Variants in EPC2 observed in about 807,000 individuals in gnomAD.
EPC2 encodes the protein enhancer of polycomb homolog 2.
A neutral mutation model predicts 92.1 loss-of-function variants in EPC2; 14 were observed. The ratio of observed to expected loss-of-function variants is 0.15; its 90% CI spans 0.10 to 0.24. The LOEUF is 0.24. Among genes scored for constraint, EPC2 ranks in the 10% least tolerant of loss-of-function variants. EPC2 has a pLI of 1.00. For synonymous variants in EPC2, 340 were observed against 334.7 expected (o/e 1.02, Z -0.17); for missense variants, 755 against 971.5 (o/e 0.78, Z 2.96).
intron 1 of EPC2, among the ~76,000 whole-genome samples, chr2:148,673,935 C>T (rs1407663309): frequency 6.6e-6 from 1 of 152,142 alleles, no homozygotes. Flanking sequence ...GTACATTGAT[C>T]CTCTTTAAGA....
At chr2:148,691,031 A>G (rs533501048) in intron 2 of EPC2, among the ~76,000 whole-genome samples, 2 of 152,302 alleles carry the variant, frequency 1.3e-5, no homozygotes, top group East Asian at 1.9e-4. Flanking sequence ...TTCAGAATCA[A>G]ATCTAATGCC....
At chr2:148,678,113 A>G (rs935851749) in intron 1 of EPC2, among the ~76,000 whole-genome samples, 4 of 152,094 alleles carry the variant, frequency 2.6e-5, no homozygotes, top group African/African-American at 9.7e-5. Flanking sequence ...CGCATTTACA[A>G]TCCCTGAGCT....
In EPC2 at chr2:148,776,829, C is replaced by A. The variant is rs184680293; in HGVS notation, c.1721-4815C>A. On this transcript the variant is annotated intron_variant, in intron 10 of 13. Coordinates refer to ENST00000258484, the MANE Select transcript of EPC2 (RefSeq NM_015630.4). ...GCCAGGAGGTTGAGAACAGCCTGGG[C>A]AACATAGCAAGACCCTGTCTCTCTC... 8.3e-5 allele frequency among the ~76,000 whole-genome samples: 12 copies of A among 144,658 alleles called. 1 individual carries two copies. The highest frequency in any genetic ancestry group is 7.4e-3 in the Middle Eastern group (2 of 270). The allele number at this position is 144,658 out of a possible 152,430, so 94.9% of individuals were successfully genotyped here.
chr2:148,749,189 G>A (rs1683041198), intron 3 of EPC2, among the ~76,000 whole-genome samples: 1 of 152,104 alleles, frequency 6.6e-6, no homozygotes, highest in South Asian at 2.1e-4. Flanking sequence ...TGTAGTGTAA[G>A]ACTAAATATT....
intron 3 of EPC2, among the ~76,000 whole-genome samples, chr2:148,747,262 G>C (rs553353432): frequency 7.2e-5 from 11 of 151,970 alleles, no homozygotes; most frequent in Middle Eastern, 3.4e-3. Flanking sequence ...CTAACACCCT[G>C]GGTAATCATT....
intron 2 of EPC2, among the ~76,000 whole-genome samples, chr2:148,699,956 AAT>A (rs1332937508): frequency 6.6e-6 from 1 of 152,068 alleles, no homozygotes; most frequent in Non-Finnish European, 1.5e-5. Context: ...TCACTGTTGT[AAT>A]TTGCCGTTCC....
rs965030295 is a variant in EPC2 at position 148,670,412 on chromosome 2, G to A, written c.154-19802G>A. 3.3e-5 allele frequency among the ~76,000 whole-genome samples: 5 copies of A among 151,606 alleles called. No homozygotes were observed. In the South Asian group the frequency reaches 8.3e-4, roughly 25 times the overall value. ...AAATTCTGTATTTGAAAGTATTCAA[G>A]TAAGTGTTTTTTAGTATATTCACAA... On this transcript the variant is annotated intron_variant, in intron 1 of 13. Coordinates refer to ENST00000258484, the MANE Select transcript of EPC2 (RefSeq NM_015630.4).
intron 8 of EPC2, among the ~76,000 whole-genome samples, chr2:148,769,847 A>G (rs1443529484): frequency 2.0e-5 from 3 of 152,118 alleles, no homozygotes; most frequent in South Asian, 2.1e-4. Context: ...GAGATCATTT[A>G]TCTTGCTATA....
At chr2:148,775,658 A>AAATTAAATTAAATTAAATTAAATTT (rs1553451006) in intron 10 of EPC2, among the ~76,000 whole-genome samples, 3 of 138,584 alleles carry the variant, frequency 2.2e-5, no homozygotes, top group African/African-American at 8.0e-5. Flanking sequence ...TCTTTAAATA[A>AAATTAAATTAAATTAAATTAAATTT]AATTAAATAA....
At chr2:148,696,509 A>T (rs1574588045) in intron 2 of EPC2, among the ~76,000 whole-genome samples, 1 of 152,334 alleles carries the variant, frequency 6.6e-6, no homozygotes, top group East Asian at 1.9e-4. Flanking sequence ...AATCAGGGAG[A>T]GAATAAAGAC....
At chr2:148,722,125 A>T (rs1205415059) in intron 2 of EPC2, among the ~76,000 whole-genome samples, 1 of 152,106 alleles carries the variant, frequency 6.6e-6, no homozygotes, top group Admixed American at 6.5e-5. Flanking sequence ...GAACTGCAGA[A>T]ATACAGGACT....
intron 2 of EPC2, 34 bp downstream of exon 2, chr2:148,690,407 C>A: frequency 6.5e-7 from 1 of 1,533,114 alleles, no homozygotes; most frequent in Non-Finnish European, 8.8e-7. Context: ...TCTGTTTGTA[C>A]TTTAAATTTA....
chr2:148,700,255 T>C (rs1392881559), intron 2 of EPC2, among the ~76,000 whole-genome samples: 1 of 152,208 alleles, frequency 6.6e-6, no homozygotes, highest in East Asian at 1.9e-4. Context: ...TTTTTTACTT[T>C]CATGAATTAT....
chr2:148,660,522 G>A lies in EPC2; in HGVS notation c.153+15352G>A, dbSNP rs1680910067. On this transcript the variant is annotated intron_variant, in intron 1 of 13. Transcript: ENST00000258484. ...TAGTTAGTGGTCTGGTGTATATGTT[G>A]ACTGTAATCTATTCAGTTCCATATT... Among the ~76,000 whole-genome samples the A allele has an allele frequency of 2.6e-5, 4 of 151,102 alleles. No homozygotes were observed. In the South Asian group the frequency reaches 8.3e-4, roughly 32 times the overall value.
At chr2:148,722,390 A>G (rs901382195) in intron 2 of EPC2, among the ~76,000 whole-genome samples, 3 of 152,166 alleles carry the variant, frequency 2.0e-5, no homozygotes, top group South Asian at 2.1e-4. Flanking sequence ...ATAAAACCCA[A>G]CAGAAGACAT....
chr2:148,709,510 G>A (rs1333352526), intron 2 of EPC2, among the ~76,000 whole-genome samples: 1 of 152,012 alleles, frequency 6.6e-6, no homozygotes, highest in African/African-American at 2.4e-5. Flanking sequence ...AGTTCATATG[G>A]AACCAAAAAA....
intron 2 of EPC2, among the ~76,000 whole-genome samples, chr2:148,708,155 A>G (rs1235453558): frequency 6.6e-6 from 1 of 152,184 alleles, no homozygotes; most frequent in Non-Finnish European, 1.5e-5. Flanking sequence ...AAAATGATAA[A>G]AGGGATATCA....
intron 2 of EPC2, among the ~76,000 whole-genome samples, chr2:148,720,270 A>G (rs1471393680): frequency 6.6e-6 from 1 of 152,212 alleles, no homozygotes; most frequent in Non-Finnish European, 1.5e-5. Context: ...CGTCTGGACC[A>G]TTTGGACTCT....
chr2:148,748,255 T>C (rs1179031513), intron 3 of EPC2, among the ~76,000 whole-genome samples: 1 of 152,068 alleles, frequency 6.6e-6, no homozygotes, highest in East Asian at 1.9e-4. Flanking sequence ...TGACTATAAA[T>C]TTCTTGAGGC....
Sources: allele counts gnomAD v4.1 joint callset (sites outside exome capture counted in the v4.1 genomes callset), GRCh38; gene constraint gnomAD v4.1.1; transcripts MANE v1.5; gene names NCBI Gene and HGNC (gene_info 2026-07-23, HGNC 2026-07-21).